ANKS1B: variants seen among roughly 807,000 people sequenced by gnomAD.
ANKS1B encodes the protein ankyrin repeat and sterile alpha motif domain containing 1B.
Under a neutral mutation model 148.3 loss-of-function variants are expected in ANKS1B, and 36 were observed. That is an observed-to-expected ratio of 0.24 (90% CI 0.19 to 0.32). ANKS1B has a LOEUF of 0.32. Ranked by LOEUF, ANKS1B falls within the 10% of genes least tolerant of loss-of-function variation. The probability of loss-of-function intolerance (pLI) is 1.00; values close to 1 mark genes in which losing one functional copy is unlikely to be tolerated. For synonymous variants in ANKS1B, 542 were observed against 560.8 expected (o/e 0.97, Z 0.47); for missense variants, 1,157 against 1,542.6 (o/e 0.75, Z 4.19).
At chr12:99,940,369 C>T (rs996655) in intron 1 of ANKS1B, among the ~76,000 whole-genome samples, 3 of 151,774 alleles carry the variant, frequency 2.0e-5, no homozygotes, top group Admixed American at 6.6e-5. Flanking sequence ...AATGTAACAA[C>T]GTTAAAAATC....
intron 1 of ANKS1B, among the ~76,000 whole-genome samples, chr12:99,896,289 T>G (rs564884912): frequency 6.6e-6 from 1 of 151,302 alleles, no homozygotes; most frequent in Non-Finnish European, 1.5e-5. Flanking sequence ...TCTGTTTCCA[T>G]GTACTTGAAG....
intron 11 of ANKS1B, among the ~76,000 whole-genome samples, chr12:99,439,940 T>C (rs1034720567): frequency 3.3e-5 from 5 of 151,812 alleles, no homozygotes; most frequent in African/African-American, 1.2e-4. Context: ...CCATAGTATA[T>C]TAATCCAATG....
chr12:99,061,784 A>G (rs140573638), intron 16 of ANKS1B, among the ~76,000 whole-genome samples: 1 of 152,134 alleles, frequency 6.6e-6, no homozygotes, highest in Non-Finnish European at 1.5e-5. Flanking sequence ...TTGACATTAC[A>G]TTGTATTATC....
intron 12 of ANKS1B, among the ~76,000 whole-genome samples, chr12:99,395,249 A>G (rs2094207174): frequency 6.6e-6 from 1 of 152,138 alleles, no homozygotes; most frequent in African/African-American, 2.4e-5. Flanking sequence ...ATCCTCATAA[A>G]ATAGAAGTTA....
intron 22 of ANKS1B, chr12:98,795,787 C>G (rs1383709380): frequency 3.3e-5 from 12 of 364,268 alleles, no homozygotes; most frequent in Non-Finnish European, 5.3e-5. Flanking sequence ...AGTGGACTGC[C>G]TGGTTTCAAA....
intron 1 of ANKS1B, among the ~76,000 whole-genome samples, chr12:99,892,284 T>A (rs1386040183): frequency 6.6e-6 from 1 of 152,206 alleles, no homozygotes; most frequent in East Asian, 1.9e-4. Context: ...ATTACAGGCA[T>A]GAGCCACCAT....
chr12:99,129,274 A>T (rs1233914431), intron 15 of ANKS1B, among the ~76,000 whole-genome samples: 2 of 152,228 alleles, frequency 1.3e-5, no homozygotes, highest in Non-Finnish European at 2.9e-5. Flanking sequence ...TCCAGAGGGA[A>T]GGGTATACAT....
At chr12:99,680,782 G>T (rs2098609958) in intron 8 of ANKS1B, among the ~76,000 whole-genome samples, 2 of 152,096 alleles carry the variant, frequency 1.3e-5, no homozygotes, top group Non-Finnish European at 2.9e-5. Context: ...CAGGCTCCCT[G>T]TATATAAACT....
At chr12:99,037,550 G>A (rs903819594) in intron 17 of ANKS1B, among the ~76,000 whole-genome samples, 1 of 151,996 alleles carries the variant, frequency 6.6e-6, no homozygotes, top group African/African-American at 2.4e-5. Context: ...TTGGTGAACT[G>A]AATTTTATCA....
At chr12:99,769,422 C>A (rs1458197567) in intron 8 of ANKS1B, among the ~76,000 whole-genome samples, 1 of 152,098 alleles carries the variant, frequency 6.6e-6, no homozygotes, top group Non-Finnish European at 1.5e-5. Context: ...TGGCTGAGAA[C>A]CATTGTTTGA....
At chr12:99,737,245 T>C (rs1039954861) in intron 8 of ANKS1B, among the ~76,000 whole-genome samples, 2 of 152,122 alleles carry the variant, frequency 1.3e-5, no homozygotes, top group African/African-American at 4.8e-5. Flanking sequence ...TTCGTGTTTA[T>C]TACAGCACTA....
intron 17 of ANKS1B, among the ~76,000 whole-genome samples, chr12:98,835,076 T>C (rs1334431587): frequency 1.3e-5 from 2 of 150,198 alleles, no homozygotes; most frequent in African/African-American, 4.9e-5. Flanking sequence ...GAAATGTTTT[T>C]TATAATAAAG....
intron 15 of ANKS1B, among the ~76,000 whole-genome samples, chr12:99,109,330 G>T (rs1292399978): frequency 6.6e-6 from 1 of 152,150 alleles, no homozygotes; most frequent in African/African-American, 2.4e-5. Context: ...TAACAGCAGT[G>T]AAATAAACAT....
intron 12 of ANKS1B, among the ~76,000 whole-genome samples, chr12:99,383,133 C>T (rs1462576703): frequency 6.6e-6 from 1 of 152,192 alleles, no homozygotes; most frequent in Non-Finnish European, 1.5e-5. Flanking sequence ...GGCAAAGCTA[C>T]AGCACAGCTA....
intron 12 of ANKS1B, among the ~76,000 whole-genome samples, chr12:99,308,305 A>T (rs2082636411): frequency 6.6e-6 from 1 of 152,044 alleles, no homozygotes; most frequent in Non-Finnish European, 1.5e-5. Flanking sequence ...TCTTCTTTAA[A>T]TGTGTTGATT....
intron 17 of ANKS1B, among the ~76,000 whole-genome samples, chr12:98,986,412 T>C (rs1000113874): frequency 6.6e-6 from 1 of 152,198 alleles, no homozygotes; most frequent in Non-Finnish European, 1.5e-5. Flanking sequence ...TATTTTAGTT[T>C]AGATAATTTT....
intron 1 of ANKS1B, among the ~76,000 whole-genome samples, chr12:99,940,331 T>C (rs574305983): frequency 2.0e-5 from 3 of 152,192 alleles, no homozygotes; most frequent in East Asian, 3.9e-4. Flanking sequence ...TGTAAAGCAG[T>C]ATAACCTCTA....
At chr12:99,232,674 T>C (rs1040069259) in intron 14 of ANKS1B, among the ~76,000 whole-genome samples, 2 of 152,214 alleles carry the variant, frequency 1.3e-5, no homozygotes, top group Non-Finnish European at 2.9e-5. Flanking sequence ...CACTTTCTTA[T>C]GATTGCAATG....
intron 1 of ANKS1B, among the ~76,000 whole-genome samples, chr12:99,911,435 G>A (rs544611655): frequency 6.6e-6 from 1 of 152,104 alleles, no homozygotes; most frequent in African/African-American, 2.4e-5. Context: ...ATTTGTCCAA[G>A]AAAAACTTAC....
Sources: gnomAD v4.1 joint callset for allele counts (sites outside exome capture counted in the v4.1 genomes callset) on GRCh38, gnomAD v4.1.1 for gene constraint, MANE v1.5 for transcripts, NCBI Gene and HGNC (gene_info 2026-07-23, HGNC 2026-07-21) for gene names.